Variants in GPHN observed in about 807,000 individuals in gnomAD.
GPHN encodes gephyrin.
Under a neutral mutation model 95.5 loss-of-function variants are expected in GPHN, and 17 were observed. That is an observed-to-expected ratio of 0.18 (90% CI 0.12 to 0.27). The LOEUF is 0.27. GPHN is among the 10% of genes least tolerant of loss of function. GPHN has a pLI of 1.00. For missense variants in GPHN, 660 were observed against 978.1 expected (o/e 0.67, Z 4.34); for synonymous variants, 320 against 322.5 (o/e 0.99, Z 0.08).
chr14:67,501,413 G>A, the GPHN span, among the ~76,000 whole-genome samples: 1 of 152,128 alleles, frequency 6.6e-6, no homozygotes, highest in Non-Finnish European at 1.5e-5. Flanking sequence ...TGGCCAGGCT[G>A]GAGTGCAGTG....
chr14:66,965,369 A>G (rs1444032035), intron 9 of GPHN, 44 bp downstream of exon 9: 3 of 1,572,254 alleles, frequency 1.9e-6, no homozygotes, highest in Non-Finnish European at 2.6e-6. Flanking sequence ...CTTCTATAGT[A>G]ATCTGGGAAA....
the GPHN span, chr14:67,570,287 C>T: frequency 2.1e-6 from 2 of 970,712 alleles, no homozygotes; most frequent in Non-Finnish European, 2.4e-6. Context: ...CTCATGTCTG[C>T]CTCACTCCTC....
At chr14:67,258,721 C>T in the GPHN span, among the ~76,000 whole-genome samples, 1 of 152,048 alleles carries the variant, frequency 6.6e-6, no homozygotes, top group African/African-American at 2.4e-5. Flanking sequence ...TATGCCCAGC[C>T]TTCAGACTGC....
the GPHN span, among the ~76,000 whole-genome samples, chr14:67,661,278 CAAA>C: frequency 7.1e-5 from 4 of 56,546 alleles, no homozygotes; most frequent in African/African-American, 1.7e-4. Flanking sequence ...AGGGCTAGAG[CAAA>C]AAAAAAAAAA....
intron 1 of GPHN, among the ~76,000 whole-genome samples, chr14:66,671,785 T>C (rs2066319133): frequency 6.6e-6 from 1 of 152,168 alleles, no homozygotes; most frequent in African/African-American, 2.4e-5. Context: ...ATTATCCCTT[T>C]AATGTCTATG....
At chr14:67,396,270 C>CCG in the GPHN span, among the ~76,000 whole-genome samples, 1 of 151,892 alleles carries the variant, frequency 6.6e-6, no homozygotes, top group African/African-American at 2.4e-5. Context: ...GCCTCAGCCT[C>CCG]TTGAGTAGAT....
intron 2 of GPHN, among the ~76,000 whole-genome samples, chr14:66,717,349 G>T (rs1205716360): frequency 6.6e-6 from 1 of 151,932 alleles, no homozygotes; most frequent in East Asian, 1.9e-4. Context: ...CTGAAGTTTT[G>T]ATTGTTTTTT....
At chr14:66,913,173 C>T (rs779201433) in intron 5 of GPHN, among the ~76,000 whole-genome samples, 1 of 152,154 alleles carries the variant, frequency 6.6e-6, no homozygotes, top group Non-Finnish European at 1.5e-5. Flanking sequence ...CAGACAGCAA[C>T]ATCTTTCCAC....
At position 66,622,327 on chromosome 14, in the gene GPHN, G is replaced by A. The variant is rs112177920; in HGVS notation, c.65-58780G>A. Reference sequence around the variant, plus strand: ...CACACACCATGGGGACCCTTGGCCCGGCCCACAAAACCATGTTTTCCTCCT... The same window carrying A: ...CACACACCATGGGGACCCTTGGCCCAGCCCACAAAACCATGTTTTCCTCCT... On this transcript the variant is annotated intron_variant, in intron 1 of 22. Transcript: ENST00000478722. Among the ~76,000 whole-genome samples, 564 of 152,174 alleles carry A rather than the reference G, an allele frequency of 3.7e-3. 12 individuals carry two copies. The highest frequency in any genetic ancestry group is 0.013 in the African/African-American group (531 of 41,514).
At chr14:66,978,758 G>T (rs150256668) in intron 9 of GPHN, among the ~76,000 whole-genome samples, 132 of 152,244 alleles carry the variant, frequency 8.7e-4, no homozygotes, top group Middle Eastern at 3.4e-3. Flanking sequence ...CTAAAATAAT[G>T]AATTATTTCT....
In GPHN at chr14:66,836,152, A is replaced by G. The variant is rs9672132; in HGVS notation, c.294+11586A>G. 2.1e-3 allele frequency among the ~76,000 whole-genome samples: 279 copies of G among 132,076 alleles called. 3 individuals are homozygous for G. Among genetic ancestry groups the G allele is most frequent in the African/African-American group, 1.0e-2 (273 of 27,354 alleles). 86.6% of individuals were successfully genotyped at this position (132,076 alleles called of 152,430 possible). A position where few individuals can be genotyped will look rare whatever the true frequency, so the allele number is the denominator to read the frequency against. On this transcript the variant is annotated intron_variant, in intron 4 of 22. Coordinates refer to ENST00000478722, the MANE Select transcript of GPHN (RefSeq NM_020806.5). ...ATCGCCAAGTCAATCCTAAGCCAAA[A>G]GAACAAAGCTGGAGGCATCACACTA...
chr14:66,705,865 A>G (rs900032098), intron 2 of GPHN, among the ~76,000 whole-genome samples: 3 of 152,194 alleles, frequency 2.0e-5, no homozygotes, highest in African/African-American at 7.2e-5. Context: ...GAAGAGAGGA[A>G]GTCAAATTGT....
At chr14:66,926,644 C>G (rs1467894465) in intron 8 of GPHN, among the ~76,000 whole-genome samples, 1 of 152,048 alleles carries the variant, frequency 6.6e-6, no homozygotes, top group Non-Finnish European at 1.5e-5. Flanking sequence ...GATGTATTAG[C>G]TACTATAGCT....
chr14:67,315,716 G>A, the GPHN span, among the ~76,000 whole-genome samples: 1 of 152,218 alleles, frequency 6.6e-6, no homozygotes, highest in Non-Finnish European at 1.5e-5. Flanking sequence ...CCTGAGATTA[G>A]GAGTTTAAGA....
chr14:67,363,592 A>G, the GPHN span, among the ~76,000 whole-genome samples: 1 of 152,196 alleles, frequency 6.6e-6, no homozygotes, highest in Non-Finnish European at 1.5e-5. Context: ...TGTTAGCAGT[A>G]TGTGAAAGAA....
At chr14:66,932,444 G>GTTTT (rs35159325) in intron 8 of GPHN, among the ~76,000 whole-genome samples, 364 of 24,392 alleles carry the variant, frequency 0.015, 143 homozygotes, top group Admixed American at 0.032. Context: ...CCAAGACCAG[G>GTTTT]TTTTTTTTTT....
the GPHN span, among the ~76,000 whole-genome samples, chr14:67,509,791 G>C: frequency 6.6e-6 from 1 of 152,194 alleles, no homozygotes; most frequent in East Asian, 1.9e-4. Context: ...AGGATTGCTT[G>C]AGGCCAGGAG....
chr14:67,227,667 G>T, the GPHN span: 2 of 151,968 alleles, frequency 1.3e-5, no homozygotes, highest in African/African-American at 4.8e-5. Flanking sequence ...GATGTTTGTA[G>T]GTCTTATGAC....
intron 4 of GPHN, among the ~76,000 whole-genome samples, chr14:66,879,045 A>T (rs1022288851): frequency 6.6e-6 from 1 of 152,262 alleles, no homozygotes; most frequent in Admixed American, 6.5e-5. Flanking sequence ...GGATGAGTTT[A>T]TGTCCTTTGC....
Sources: gnomAD v4.1 joint callset for allele counts (sites outside exome capture counted in the v4.1 genomes callset) on GRCh38, gnomAD v4.1.1 for gene constraint, MANE v1.5 for transcripts, NCBI Gene and HGNC (gene_info 2026-07-23, HGNC 2026-07-21) for gene names.